TNXB: variants seen among roughly 807,000 people sequenced by gnomAD.
TNXB encodes the protein tenascin-X.
In TNXB, 183 loss-of-function variants were observed where a neutral mutation model predicts 340.5. The ratio of observed to expected loss-of-function variants is 0.54; its 90% CI spans 0.48 to 0.61. The LOEUF (loss-of-function observed/expected upper bound fraction) is 0.61, where lower values mean the gene tolerates loss of function less well. Among genes scored for constraint, TNXB ranks in the 20% least tolerant of loss-of-function variants. The pLI is 0.00. For synonymous variants in TNXB, 2,121 were observed against 2,314.5 expected (o/e 0.92, Z 2.40); for missense variants, 4,613 against 5,446.4 (o/e 0.85, Z 4.82).
chr6:32,098,705 C>T (rs1427337324), intron 1 of TNXB, among the ~76,000 whole-genome samples: 2 of 152,168 alleles, frequency 1.3e-5, no homozygotes, highest in African/African-American at 2.4e-5. Context: ...GTCTCAGACT[C>T]CTAACCTCAG....
rs1455171007 is a variant in TNXB at position 32,047,343 on chromosome 6, C to T, written c.10324+391G>A. The stretch of plus-strand genomic sequence containing the variant: ...GCCAAGCCCTCCCTTTTCTTCCACC[C>T]CTCGGCTCCGAGTCAGGGAGGAGGG... On this transcript the variant is annotated intron_variant, in intron 30 of 43. Coordinates refer to ENST00000644971, the MANE Select transcript of TNXB (RefSeq NM_001365276.2). This position sits in a 1 kb window ranked among gnomAD's most constrained non-coding sequence, Gnocchi z 6.2. Among the ~76,000 whole-genome samples the T allele has an allele frequency of 1.3e-5, 2 of 152,226 alleles. No homozygotes were observed. Among genetic ancestry groups the T allele is most frequent in the African/African-American group, 4.8e-5 (2 of 41,458 alleles).
At position 32,048,596 on chromosome 6, in the gene TNXB, G is replaced by A. The variant is rs2856444; in HGVS notation, c.9812C>T (p.Ala3271Val). The stretch of plus-strand genomic sequence containing the variant: ...GCCCACTGAGTCCGAGGTCACGGCC[G>A]CCACCGCCAGCTCCCCCAGGCGGGG... Reference protein sequence around the residue: ...VEPRLGELAVAAVTSDSVGLS... With the variant: ...VEPRLGELAVVAVTSDSVGLS... The change falls in exon 29 of 44, where the codon GCG (alanine) becomes GTG (valine). Residue 3271 changes from alanine to valine, a missense_variant. Physicochemically the swap from Ala to Val is moderately conservative, Grantham distance 64 (BLOSUM62 0). Coordinates refer to ENST00000644971, the MANE Select transcript of TNXB (RefSeq NM_001365276.2). The A allele has an allele frequency of 8.5e-6, 13 of 1,533,698 alleles. No homozygotes were observed. Among genetic ancestry groups the A allele is most frequent in the South Asian group, 2.5e-5 (2 of 79,352 alleles).
Position 32,080,681 on chromosome 6 carries a change from G to C in TNXB, c.4042+687C>G, listed in dbSNP as rs898297615. Among the ~76,000 whole-genome samples the C allele has an allele frequency of 6.6e-6, 1 of 152,314 alleles. No individual in the cohort carries two copies. The highest frequency in any genetic ancestry group is 3.4e-3 in the Middle Eastern group (1 of 294). On this transcript the variant is annotated intron_variant, in intron 10 of 43. Coordinates refer to ENST00000644971, the MANE Select transcript of TNXB (RefSeq NM_001365276.2). The surrounding 1 kb of genome is among the most constrained non-coding windows in gnomAD (Gnocchi z 4.3). ...GGCTGGTAGTGAGACTCGGGCAGTT[G>C]GCTCCGGAGTCTTTGCTCCTAACCA...
intron 23 of TNXB, 25 bp from the exon 24 acceptor site, chr6:32,056,199 A>C: frequency 6.3e-7 from 1 of 1,599,238 alleles, no homozygotes; most frequent in Non-Finnish European, 8.5e-7. Context: ...TATAGAGAGG[A>C]TGCCAGGTGC....
At position 32,067,338 on chromosome 6, in the gene TNXB, TTTAA is replaced by T. The variant is rs753451682; in HGVS notation, c.6544+319_6544+322del. 1.3e-5 allele frequency among the ~76,000 whole-genome samples: 2 copies of T among 152,220 alleles called. No individual in the cohort carries two copies. Among genetic ancestry groups the T allele is most frequent in the African/African-American group, 2.4e-5 (1 of 41,440 alleles). On this transcript the variant is annotated intron_variant, in intron 18 of 43. Coordinates refer to ENST00000644971, the MANE Select transcript of TNXB (RefSeq NM_001365276.2). This position sits in a 1 kb window ranked among gnomAD's most constrained non-coding sequence, Gnocchi z 4.2. ...ATTTTATTTAACAAATACTTATTAA[TTTAA>T]TTAATTTGTATTTCAAAAATGTGTT...
chr6:32,045,891 C>G, intron 31 of TNXB: 1 of 1,195,906 alleles, frequency 8.4e-7, no homozygotes, highest in South Asian at 3.7e-5. Flanking sequence ...CGACAGCAGC[C>G]CCAGCGAGTA....
rs970284543 is a variant in TNXB at position 32,062,427 on chromosome 6, G to T, written c.6898C>A (p.Pro2300Thr). The T allele has an allele frequency of 6.2e-7, 1 of 1,612,696 alleles. No individual in the cohort carries two copies. The highest frequency in any genetic ancestry group is 1.1e-5 in the South Asian group (1 of 91,068). Reference sequence around the variant, plus strand: ...TCCTCCAGGCGAGGCTTGATGGGGGGTTCAGGGGTGGGAGGTTCTGTCGAG... The same window carrying T: ...TCCTCCAGGCGAGGCTTGATGGGGGTTTCAGGGGTGGGAGGTTCTGTCGAG... ...PASTEPPTPE[P>T]PIKPRLEELT... The change falls in exon 20 of 44, where the codon CCC (proline) becomes ACC (threonine). Residue 2300 changes from proline (P) to threonine (T), a missense_variant. This residue lies in a region of TNXB where 4,327 missense variants were observed against 4,859.4 expected (regional missense o/e 0.89). Transcript: ENST00000644971. The surrounding 1 kb of genome is among the most constrained non-coding windows in gnomAD (Gnocchi z 4.3).
At chr6:32,102,251 A>C (rs1426167339) in intron 1 of TNXB, among the ~76,000 whole-genome samples, 1 of 152,186 alleles carries the variant, frequency 6.6e-6, no homozygotes, top group African/African-American at 2.4e-5. Context: ...TATCTGCTAA[A>C]ACATATAGTC....
In TNXB at chr6:32,048,009, G is replaced by A. The variant is rs764230770; in HGVS notation, c.10049C>T (p.Pro3350Leu). 18 of 1,607,554 alleles carry A rather than the reference G, an allele frequency of 1.1e-5. No individual in the cohort carries two copies. In the South Asian group the frequency reaches 1.4e-4, roughly 13 times the overall value. Residue 3350 changes from proline to leucine, a missense_variant, in exon 30 of 44, where the codon CCA (proline) becomes CTA (leucine). Around this residue, in one of 7 missense-constraint regions of TNXB, gnomAD observed 4,327 missense variants for 4,859.4 expected, o/e 0.89. Transcript: ENST00000644971. Reference protein sequence around the residue: ...GPVPVEARTAPDTKPSPRLGE... With the variant: ...GPVPVEARTALDTKPSPRLGE... ...CAGGCGGGGAGACGGTTTGGTGTCT[G>A]GGGCTGGAAAAGACAGTGAGGTGCA...
In TNXB at chr6:32,047,180, C is replaced by A. The variant is rs535300527; in HGVS notation, c.10324+554G>T. On this transcript the variant is annotated intron_variant, in intron 30 of 43. Transcript: ENST00000644971. This position sits in a 1 kb window ranked among gnomAD's most constrained non-coding sequence, Gnocchi z 6.2. ...CCCAGGGACCCAGGCCCAGACTGGC[C>A]GGCTGCTCTGTCCTCCTCTGGGCAT... Among the ~76,000 whole-genome samples, 31 of 152,322 alleles carry A rather than the reference C, an allele frequency of 2.0e-4. No individual in the cohort carries two copies. Among genetic ancestry groups the A allele is most frequent in the African/African-American group, 7.2e-4 (30 of 41,570 alleles).
chr6:32,071,987 C>T lies in TNXB; in HGVS notation c.4990+3G>A, dbSNP rs1273441254. 3.8e-6 allele frequency: 6 copies of T among 1,590,940 alleles called. No homozygotes were observed. The highest frequency in any genetic ancestry group is 3.4e-5 in the Admixed American group (2 of 59,224). ...GGCTCAGCTGTGTAGGGGCCCATCTCACCCGTCTTTGCCTCCACAGAGACT... is the reference window on the plus strand; with the variant it reads ...GGCTCAGCTGTGTAGGGGCCCATCTTACCCGTCTTTGCCTCCACAGAGACT... On this transcript the variant is annotated splice_donor_region_variant and intron_variant, in intron 13 of 43. Transcript: ENST00000644971.
At position 32,041,892 on chromosome 6, in the gene TNXB, C is replaced by T. The variant is rs544604053; in HGVS notation, c.12512G>A (p.Arg4171His). The change falls in exon 43 of 44, where the codon CGT becomes CAT. Residue 4171 changes from arginine (R) to histidine (H), a missense_variant. Physicochemically the swap from Arg to His is conservative, Grantham distance 29 (BLOSUM62 0). This residue lies in a region of TNXB where 121 missense variants were observed against 177.4 expected (regional missense o/e 0.68). Coordinates refer to ENST00000644971, the MANE Select transcript of TNXB (RefSeq NM_001365276.2). ...GAGCAAGCTGTTGGGGTCCCGATCA[C>T]GGGCAGAGAAGACACTGCCGCTGTG... Reference protein sequence around the residue: ...SYHSGSVFSARDRDPNSLLIS... With the variant: ...SYHSGSVFSAHDRDPNSLLIS... The T allele has an allele frequency of 1.1e-3, 791 of 694,652 alleles. 21 individuals are homozygous for T. In the African/African-American group the frequency reaches 0.014, roughly 12 times the overall value. The allele number at this position is 694,652 out of a possible 1,614,324, so 43.0% of individuals were successfully genotyped here.
intron 6 of TNXB, among the ~76,000 whole-genome samples, chr6:32,086,555 G>A (rs1448653209): frequency 6.6e-6 from 1 of 152,166 alleles, no homozygotes; most frequent in Non-Finnish European, 1.5e-5. Context: ...GAGAGAGGGT[G>A]TGGGGGTGGA....
chr6:32,068,021 T>C lies in TNXB; in HGVS notation c.6221-37A>G, dbSNP rs767260860. ...GAAGAGAGAGTGAGGGGGATGTCCTTGGGTACTGGGGAAAAGGAGGGAGAA... is the reference window on the plus strand; with the variant it reads ...GAAGAGAGAGTGAGGGGGATGTCCTCGGGTACTGGGGAAAAGGAGGGAGAA... On this transcript the variant is annotated intron_variant, in intron 17 of 43. Coordinates refer to ENST00000644971, the MANE Select transcript of TNXB (RefSeq NM_001365276.2). This position sits in a 1 kb window ranked among gnomAD's most constrained non-coding sequence, Gnocchi z 5.3. 86 of 1,595,348 alleles carry C rather than the reference T, an allele frequency of 5.4e-5. 1 individual carries two copies. Among genetic ancestry groups the C allele is most frequent in the Non-Finnish European group, 7.0e-5 (82 of 1,169,440 alleles).
Position 32,061,992 on chromosome 6 carries a change from G to A in TNXB, c.7168+165C>T, listed in dbSNP as rs192982040. Among the ~76,000 whole-genome samples, 4 of 152,284 alleles carry A rather than the reference G, an allele frequency of 2.6e-5. No individual in the cohort carries two copies. The East Asian group carries it at 7.7e-4, about 29-fold the overall frequency. ...AATGGCCCCTCCCTGCTCAGGGGGA[G>A]CCAGGGGTCAACCACACAAAAAGGT... On this transcript the variant is annotated intron_variant, in intron 20 of 43. Coordinates refer to ENST00000644971, the MANE Select transcript of TNXB (RefSeq NM_001365276.2). The surrounding 1 kb of genome is among the most constrained non-coding windows in gnomAD (Gnocchi z 4.4).
intron 4 of TNXB, among the ~76,000 whole-genome samples, chr6:32,094,760 GC>G (rs1780237326): frequency 6.6e-6 from 1 of 152,204 alleles, no homozygotes; most frequent in African/African-American, 2.4e-5. Flanking sequence ...ACGGACAGGT[GC>G]TAGAATAGGG....
rs533134249 is a variant in TNXB at position 32,069,676 on chromosome 6, C to T, written c.5464G>A (p.Val1822Met). The change falls in exon 15 of 44, where the codon GTG (valine) becomes ATG (methionine). Residue 1822 changes from valine to methionine, a missense_variant. Coordinates refer to ENST00000644971, the MANE Select transcript of TNXB (RefSeq NM_001365276.2). The surrounding 1 kb of genome is among the most constrained non-coding windows in gnomAD (Gnocchi z 6.2). ...DRDGQPQVVP[V>M]EGSLREVSVP... is the part of the protein sequence containing the mutation. Reference sequence around the variant, plus strand: ...CTGACCTCCCTGAGGCTGCCCTCCACGGGCACCACCTGGGGCTGCCCGTCC... The same window carrying T: ...CTGACCTCCCTGAGGCTGCCCTCCATGGGCACCACCTGGGGCTGCCCGTCC... 1.5e-5 allele frequency: 24 copies of T among 1,613,024 alleles called. No homozygotes were observed. Among genetic ancestry groups the T allele is most frequent in the South Asian group, 5.5e-5 (5 of 90,986 alleles).
At chr6:32,106,134 G>A (rs145249614) in intron 1 of TNXB, among the ~76,000 whole-genome samples, 1,623 of 151,294 alleles carry the variant, frequency 0.011, 13 homozygotes, top group South Asian at 0.017. Flanking sequence ...AGGGGCATGG[G>A]GGGGGGGGCT....
rs2127263274 is a variant in TNXB, at chr6:32,085,114, T to C, written c.3149-405A>G. Among the ~76,000 whole-genome samples the C allele has an allele frequency of 6.6e-6, 1 of 151,920 alleles. No homozygotes were observed. The highest frequency in any genetic ancestry group is 1.9e-4 in the East Asian group (1 of 5,152). On this transcript the variant is annotated intron_variant, in intron 7 of 43. Coordinates refer to ENST00000644971, the MANE Select transcript of TNXB (RefSeq NM_001365276.2). This position sits in a 1 kb window ranked among gnomAD's most constrained non-coding sequence, Gnocchi z 6.4. ...GCTTGACCTGGAGCTGGGGGATGAGTCAGCCACCCTGGTCCCACAGAGAGG... is the reference window on the plus strand; with the variant it reads ...GCTTGACCTGGAGCTGGGGGATGAGCCAGCCACCCTGGTCCCACAGAGAGG...
Sources: allele counts gnomAD v4.1 joint callset (sites outside exome capture counted in the v4.1 genomes callset), GRCh38; gene constraint gnomAD v4.1.1; regional missense constraint gnomAD v4.1.1; non-coding constraint Gnocchi (gnomAD v3.1); transcripts MANE v1.5; gene names NCBI Gene and HGNC (gene_info 2026-07-23, HGNC 2026-07-21).